CCDC83: variants seen among roughly 807,000 people sequenced by gnomAD.
CCDC83 encodes the protein coiled-coil domain containing 83.
CCDC83 carries 54 observed loss-of-function variants against 50.1 expected under a neutral mutation model. The ratio of observed to expected loss-of-function variants is 1.08; its 90% CI spans 0.87 to 1.35. The LOEUF is 1.35. Ranked by LOEUF, CCDC83 falls within the 40% of genes most tolerant of loss-of-function variation. CCDC83 has a pLI of 0.00. For synonymous variants in CCDC83, 161 were observed against 153.3 expected, an observed-to-expected ratio of 1.05 and a Z score of -0.37; for missense variants, 518 against 473.9, an observed-to-expected ratio of 1.09 and a Z score of -0.86.
At chr11:85,901,975 G>A (rs2093404545) in intron 7 of CCDC83, among the ~76,000 whole-genome samples, 1 of 152,012 alleles carries the variant, frequency 6.6e-6, no homozygotes, top group African/African-American at 2.4e-5. Flanking sequence ...AGGCTGCAGT[G>A]AGCTATGATC....
intron 2 of CCDC83, 40 bp from the exon 3 acceptor site, chr11:85,873,166 CTAAGA>C: frequency 1.9e-6 from 2 of 1,035,480 alleles, no homozygotes; most frequent in Non-Finnish European, 2.8e-6. Flanking sequence ...TTCTCATTTC[CTAAGA>C]TAAATGATTC....
intron 1 of CCDC83, among the ~76,000 whole-genome samples, chr11:85,862,641 T>C (rs1275797271): frequency 3.3e-5 from 5 of 152,214 alleles, no homozygotes; most frequent in Non-Finnish European, 7.3e-5. Context: ...AAGTGTAACC[T>C]TCCTGGAAGA....
chr11:85,912,113 G>A (rs1310434068), intron 8 of CCDC83, among the ~76,000 whole-genome samples: 1 of 152,034 alleles, frequency 6.6e-6, no homozygotes, highest in African/African-American at 2.4e-5. Flanking sequence ...AGGAAGAGAG[G>A]GGAAGTCACA....
intron 10 of CCDC83, 57 bp downstream of exon 10, chr11:85,916,290 C>A: frequency 8.2e-7 from 1 of 1,221,742 alleles, no homozygotes; most frequent in Non-Finnish European, 1.2e-6. Flanking sequence ...TTGAGAAATG[C>A]TGTTTTAATT....
intron 1 of CCDC83, 142 bp downstream of exon 1, chr11:85,855,726 A>C (rs1040358764): frequency 1.3e-5 from 2 of 152,366 alleles, no homozygotes; most frequent in African/African-American, 4.8e-5. Context: ...CCGGACAGCA[A>C]CTAGGACAGA....
At chr11:85,896,679 A>C (rs1339718380) in intron 6 of CCDC83, among the ~76,000 whole-genome samples, 1 of 152,118 alleles carries the variant, frequency 6.6e-6, no homozygotes, top group Non-Finnish European at 1.5e-5. Flanking sequence ...GCACTTTAAA[A>C]ATCTGGAATA....
intron 1 of CCDC83, among the ~76,000 whole-genome samples, chr11:85,860,959 A>G (rs547972479): frequency 6.6e-6 from 1 of 152,158 alleles, no homozygotes; most frequent in South Asian, 2.1e-4. Flanking sequence ...AAGATGGGAA[A>G]AATAGACACT....
At chr11:85,880,778 G>C (rs1422174975) in intron 3 of CCDC83, among the ~76,000 whole-genome samples, 3 of 151,852 alleles carry the variant, frequency 2.0e-5, no homozygotes. Context: ...GACATAGTTC[G>C]AGTACCCCTT....
rs58433339 is a variant in CCDC83 at position 85,908,551 on chromosome 11, TTAGATAGATAGATAGATAGATAGA to T, written c.673-2693_673-2670del. Among the ~76,000 whole-genome samples the T allele has an allele frequency of 3.9e-3, 538 of 137,526 alleles. 5 individuals are homozygous for T. The highest frequency in any genetic ancestry group is 0.015 in the African/African-American group (524 of 36,136). 90.2% of individuals were successfully genotyped at this position (137,526 alleles called of 152,430 possible). A position where few individuals can be genotyped will look rare whatever the true frequency, so the allele number is the denominator to read the frequency against. ...GGGCAACACAGCATAGACTAGATGA[TTAGATAGATAGATAGATAGATAGA>T]TAGATAGATAGATAGATAGATAGAT... On this transcript the variant is annotated intron_variant, in intron 7 of 10. Transcript: ENST00000342404.
At chr11:85,886,751 A>G (rs184434341) in intron 5 of CCDC83, among the ~76,000 whole-genome samples, 33 of 152,288 alleles carry the variant, frequency 2.2e-4, no homozygotes, top group Non-Finnish European at 5.9e-5. Context: ...TATCTCTACA[A>G]AAAATTAAAA....
intron 4 of CCDC83, among the ~76,000 whole-genome samples, chr11:85,883,616 T>C (rs764492042): frequency 2.6e-5 from 4 of 152,220 alleles, no homozygotes; most frequent in Non-Finnish European, 4.4e-5. Context: ...TCTTTCATTC[T>C]AAACTTGCTG....
chr11:85,882,802 G>A (rs185852260), intron 4 of CCDC83, 127 bp downstream of exon 4: 88 of 823,756 alleles, frequency 1.1e-4, no homozygotes, highest in African/African-American at 1.1e-3. Flanking sequence ...CATTACCACC[G>A]CAGCCACAAA....
At chr11:85,885,551 A>G (rs773749780) in intron 4 of CCDC83, among the ~76,000 whole-genome samples, 9 of 152,244 alleles carry the variant, frequency 5.9e-5, no homozygotes, top group Non-Finnish European at 8.8e-5. Context: ...ATTGAATAGA[A>G]TATCATGTTT....
chr11:85,913,743 C>T (rs1178870958), intron 8 of CCDC83, among the ~76,000 whole-genome samples: 2 of 152,156 alleles, frequency 1.3e-5, no homozygotes, highest in African/African-American at 4.8e-5. Flanking sequence ...CACATTGGGG[C>T]AAACAGATGA....
intron 7 of CCDC83, among the ~76,000 whole-genome samples, chr11:85,901,605 C>G (rs2093402408): frequency 8.6e-6 from 1 of 116,624 alleles, no homozygotes; most frequent in Non-Finnish European, 1.8e-5. Flanking sequence ...AAATAGGGAA[C>G]AGAGAACAAA....
At chr11:85,879,065 C>T (rs574721564) in intron 3 of CCDC83, among the ~76,000 whole-genome samples, 20 of 152,196 alleles carry the variant, frequency 1.3e-4, no homozygotes, top group Non-Finnish European at 2.1e-4. Flanking sequence ...CAAATATTTT[C>T]TCCTAGTCTG....
At chr11:85,860,246 G>A (rs965566741) in intron 1 of CCDC83, among the ~76,000 whole-genome samples, 3 of 147,820 alleles carry the variant, frequency 2.0e-5, no homozygotes, top group Admixed American at 6.8e-5. Flanking sequence ...AGGTTGCAGT[G>A]AGCCGAGATT....
chr11:85,898,936 C>A lies in CCDC83; in HGVS notation c.604-11C>A, dbSNP rs1470964626. 2 of 1,601,562 alleles carry A rather than the reference C, an allele frequency of 1.2e-6. No individual in the cohort carries two copies. Among genetic ancestry groups the A allele is most frequent in the East Asian group, 2.2e-5 (1 of 44,668 alleles). On this transcript the variant is annotated splice_polypyrimidine_tract_variant and intron_variant, in intron 6 of 10. Coordinates refer to ENST00000342404, the MANE Select transcript of CCDC83 (RefSeq NM_001286159.2). ...TGGCAACTCTTCCTTAATCCAGAAA[C>A]TTTCTTTTAGAATGCTGTAAAGCTC...
chr11:85,885,773 C>T (rs1249321774), intron 4 of CCDC83, among the ~76,000 whole-genome samples: 1 of 152,126 alleles, frequency 6.6e-6, no homozygotes, highest in Admixed American at 6.5e-5. Flanking sequence ...TTGCCAAGGA[C>T]CTGGGAAGGA....
Sources: allele counts gnomAD v4.1 joint callset (sites outside exome capture counted in the v4.1 genomes callset), GRCh38; gene constraint gnomAD v4.1.1; transcripts MANE v1.5; gene names NCBI Gene and HGNC (gene_info 2026-07-23, HGNC 2026-07-21).